Variants in ITPR1 observed in about 807,000 individuals in gnomAD.
The protein encoded by ITPR1 is inositol 1,4,5-trisphosphate receptor type 1.
Under a neutral mutation model 318.4 loss-of-function variants are expected in ITPR1, and 96 were observed. The observed-to-expected ratio is 0.30, with a 90% CI of 0.26 to 0.36. ITPR1 has a LOEUF of 0.36. Ranked by LOEUF, ITPR1 falls within the 10% of genes least tolerant of loss-of-function variation. The pLI, the probability that ITPR1 is intolerant of heterozygous loss-of-function variation, is 1.00. For missense variants in ITPR1, 2,440 were observed against 3,460.2 expected (o/e 0.71, Z 7.40); for synonymous variants, 1,312 against 1,289.9 (o/e 1.02, Z -0.37).
chr3:4,639,503 G>A, intron 6 of ITPR1, 33 bp downstream of exon 6: 1 of 1,453,458 alleles, frequency 6.9e-7, no homozygotes, highest in Non-Finnish European at 9.5e-7. Flanking sequence ...TTCTGAAGCT[G>A]AAGCGTTACA....
chr3:4,523,022 T>C (rs2082684715), intron 4 of ITPR1, among the ~76,000 whole-genome samples: 2 of 152,242 alleles, frequency 1.3e-5, no homozygotes, highest in African/African-American at 2.4e-5. Context: ...GCTTCTCAGG[T>C]GTTTCTCTTG....
chr3:4,650,644 T>TGTGCGC lies in ITPR1; in HGVS notation c.856-1478_856-1477insTGCGCG, dbSNP rs1337776997. Reference sequence around the variant, plus strand: ...GTGTGTGTGTGTGTGTGTGTGTGTGTGCGCGCGTCTGTCTGTGTCTGTGTG... The same window carrying TGTGCGC: ...GTGTGTGTGTGTGTGTGTGTGTGTGTGTGCGCGCGCGCGTCTGTCTGTGTCTGTGTG... On this transcript the variant is annotated intron_variant, in intron 10 of 61. Coordinates refer to ENST00000649015, the MANE Select transcript of ITPR1 (RefSeq NM_001378452.1). 9.0e-4 allele frequency among the ~76,000 whole-genome samples: 24 copies of TGTGCGC among 26,548 alleles called. 1 individual carries two copies. Among genetic ancestry groups the TGTGCGC allele is most frequent in the African/African-American group, 1.7e-3 (24 of 13,794 alleles). 17.4% of individuals were successfully genotyped at this position (26,548 alleles called of 152,430 possible). A position where few individuals can be genotyped will look rare whatever the true frequency, so the allele number is the denominator to read the frequency against.
intron 4 of ITPR1, among the ~76,000 whole-genome samples, chr3:4,526,550 T>C (rs2082993774): frequency 6.6e-6 from 1 of 152,160 alleles, no homozygotes; most frequent in Non-Finnish European, 1.5e-5. Context: ...AGTCTTAGAG[T>C]TTCATGGAGA....
chr3:4,650,359 C>T (rs1461495372), intron 10 of ITPR1, among the ~76,000 whole-genome samples: 1 of 152,114 alleles, frequency 6.6e-6, no homozygotes, highest in East Asian at 1.9e-4. Flanking sequence ...GTCAGCGTCC[C>T]AGTTCTCCAT....
chr3:4,610,471 C>G (rs917426659), intron 4 of ITPR1, among the ~76,000 whole-genome samples: 6 of 152,170 alleles, frequency 3.9e-5, no homozygotes, highest in African/African-American at 1.4e-4. Context: ...GATGACCAAG[C>G]CAATAGCTTA....
At position 4,710,394 on chromosome 3, in the gene ITPR1, G is replaced by A. The variant is rs2125280332; in HGVS notation, c.4912G>A (p.Val1638Ile). ...GGCAGAGTTATCTGTGCTCGTGGAT[G>A]TTCTCCACAGACCCGAGCTGCTTTT... ...VQAELSVLVD[V>I]LHRPELLFPE... Residue 1638 changes from valine to isoleucine, a missense_variant, in exon 38 of 62, where the codon GTT (valine) becomes ATT (isoleucine). Val to Ile is a conservative substitution (Grantham distance 29). Around this residue, in one of 23 missense-constraint regions of ITPR1, gnomAD observed 166 missense variants for 246.5 expected, o/e 0.67. Transcript: ENST00000649015. This position sits in a 1 kb window ranked among gnomAD's most constrained non-coding sequence, Gnocchi z 4.2. The A allele has an allele frequency of 6.4e-7, 1 of 1,562,862 alleles. No individual in the cohort carries two copies. The highest frequency in any genetic ancestry group is 2.4e-5 in the East Asian group (1 of 41,992).
intron 32 of ITPR1, among the ~76,000 whole-genome samples, chr3:4,692,369 C>G (rs1218722689): frequency 3.9e-5 from 6 of 152,194 alleles, no homozygotes; most frequent in African/African-American, 1.4e-4. Context: ...GCCGGTCATA[C>G]TCTAGGCACA....
intron 4 of ITPR1, among the ~76,000 whole-genome samples, chr3:4,624,289 C>T (rs552881391): frequency 5.3e-5 from 8 of 152,280 alleles, no homozygotes; most frequent in African/African-American, 1.9e-4. Flanking sequence ...ATGTTAATGC[C>T]AGTGACTTAA....
At chr3:4,742,839 A>T (rs1375341261) in intron 44 of ITPR1, among the ~76,000 whole-genome samples, 1 of 151,862 alleles carries the variant, frequency 6.6e-6, no homozygotes, top group Non-Finnish European at 1.5e-5. Context: ...CCTACTTCTG[A>T]TATTTTCTAT....
At chr3:4,776,323 G>T (rs1234864736) in intron 47 of ITPR1, among the ~76,000 whole-genome samples, 1 of 152,136 alleles carries the variant, frequency 6.6e-6, no homozygotes, top group African/African-American at 2.4e-5. Context: ...ACCCACCTCG[G>T]CTTGCCAAAG....
intron 4 of ITPR1, among the ~76,000 whole-genome samples, chr3:4,620,243 T>A (rs1377350138): frequency 6.6e-6 from 1 of 152,184 alleles, no homozygotes; most frequent in Non-Finnish European, 1.5e-5. Flanking sequence ...CTTCTATTTC[T>A]CCTCCTCAGT....
At chr3:4,530,730 A>G (rs1296144332) in intron 4 of ITPR1, among the ~76,000 whole-genome samples, 6 of 152,052 alleles carry the variant, frequency 3.9e-5, no homozygotes, top group African/African-American at 1.2e-4. Flanking sequence ...GCAGTGAGCC[A>G]TGTTTGCACC....
At chr3:4,712,022 C>T (rs888210935) in intron 39 of ITPR1, among the ~76,000 whole-genome samples, 154 bp downstream of exon 39, 3 of 152,086 alleles carry the variant, frequency 2.0e-5, no homozygotes, top group Admixed American at 6.6e-5. Flanking sequence ...TTTATCCTGC[C>T]GTTAAAGGGA....
chr3:4,656,723 C>A (rs2093717420), intron 12 of ITPR1, among the ~76,000 whole-genome samples: 1 of 152,154 alleles, frequency 6.6e-6, no homozygotes, highest in Non-Finnish European at 1.5e-5. Flanking sequence ...TTTCTTGATT[C>A]TTTTGTTTTC....
chr3:4,717,344 C>G, intron 39 of ITPR1, 23 bp from the exon 40 acceptor site: 1 of 1,573,888 alleles, frequency 6.4e-7, no homozygotes, highest in Non-Finnish European at 8.6e-7. Context: ...CCTTCTCTCT[C>G]TCTCCCCTTT....
intron 60 of ITPR1, among the ~76,000 whole-genome samples, chr3:4,832,686 T>C (rs2050601633): frequency 6.6e-6 from 1 of 152,162 alleles, no homozygotes; most frequent in African/African-American, 2.4e-5. Context: ...TTGAATTTAA[T>C]ATAAAAATAT....
chr3:4,647,439 A>G (rs2093484263), intron 10 of ITPR1, among the ~76,000 whole-genome samples: 1 of 152,244 alleles, frequency 6.6e-6, no homozygotes, highest in Non-Finnish European at 1.5e-5. Context: ...TGGCTGGATC[A>G]TATGGTAGCC....
At chr3:4,719,292 C>T (rs538184902) in intron 40 of ITPR1, among the ~76,000 whole-genome samples, 7 of 152,360 alleles carry the variant, frequency 4.6e-5, no homozygotes, top group Non-Finnish European at 1.0e-4. Flanking sequence ...CAACTGCCAG[C>T]GCTGGGACAC....
intron 4 of ITPR1, among the ~76,000 whole-genome samples, chr3:4,572,441 A>G (rs1299769035): frequency 6.6e-6 from 1 of 152,116 alleles, no homozygotes; most frequent in African/African-American, 2.4e-5. Flanking sequence ...TATATATATT[A>G]TAAAAGAACG....
Sources: gnomAD v4.1 joint callset for allele counts (sites outside exome capture counted in the v4.1 genomes callset) on GRCh38, gnomAD v4.1.1 for gene constraint, gnomAD v4.1.1 regional missense constraint, Gnocchi (gnomAD v3.1) non-coding constraint, MANE v1.5 for transcripts, NCBI Gene and HGNC (gene_info 2026-07-23, HGNC 2026-07-21) for gene names.